The following C7orf33 variants were observed in gnomAD, a reference collection of about 807,000 sequenced individuals.
The protein encoded by C7orf33 is uncharacterized protein C7orf33.
C7orf33 carries 15 observed loss-of-function variants against 13.4 expected under a neutral mutation model. The observed-to-expected ratio is 1.12, with a 90% CI of 0.75 to 1.72. C7orf33 has a LOEUF of 1.72. C7orf33 is among the 40% of genes most tolerant of loss of function. The pLI is 0.00. For synonymous variants in C7orf33, 73 were observed against 83.2 expected, an observed-to-expected ratio of 0.88 and a Z score of 0.67; for missense variants, 187 against 220.3, an observed-to-expected ratio of 0.85 and a Z score of 0.96.
rs182440056 is a variant in C7orf33, at chr7:148,595,363, A to T, written c.204+4234A>T. Among the ~76,000 whole-genome samples, 1,267 of 135,684 alleles carry T rather than the reference A, an allele frequency of 9.3e-3. 16 individuals are homozygous for T. The highest frequency in any genetic ancestry group is 0.034 in the African/African-American group (1,199 of 35,066). 89.0% of individuals were successfully genotyped at this position (135,684 alleles called of 152,430 possible). On this transcript the variant is annotated intron_variant, in intron 1 of 2. Coordinates refer to ENST00000307003, the MANE Select transcript of C7orf33 (RefSeq NM_145304.4). ...AGATCTATATTATATAGATATATCAAATATAATATAGATCTCTATTATATA... is the reference window on the plus strand; with the variant it reads ...AGATCTATATTATATAGATATATCATATATAATATAGATCTCTATTATATA...
chr7:148,612,159 C>T (rs1169105539), intron 1 of C7orf33, among the ~76,000 whole-genome samples: 1 of 152,244 alleles, frequency 6.6e-6, no homozygotes, highest in African/African-American at 2.4e-5. Flanking sequence ...TGGCCTGGAC[C>T]ATGACTGACA....
At chr7:148,612,878 C>T (rs1796561017) in intron 1 of C7orf33, among the ~76,000 whole-genome samples, 1 of 151,610 alleles carries the variant, frequency 6.6e-6, no homozygotes, top group South Asian at 2.1e-4. Flanking sequence ...TTAGTTGGCA[C>T]ATAATATTTA....
intron 1 of C7orf33, among the ~76,000 whole-genome samples, chr7:148,595,673 TATAATATA>T: frequency 9.0e-6 from 1 of 111,696 alleles, no homozygotes; most frequent in Non-Finnish European, 1.8e-5. Flanking sequence ...ATTATATAGA[TATAATATA>T]GATCTATATT....
chr7:148,596,321 T>C (rs1381794991), intron 1 of C7orf33, among the ~76,000 whole-genome samples: 2 of 152,208 alleles, frequency 1.3e-5, no homozygotes, highest in African/African-American at 4.8e-5. Context: ...CTGAAGTTTA[T>C]AGTTTAGATT....
chr7:148,598,611 C>A (rs185152343), intron 1 of C7orf33, among the ~76,000 whole-genome samples: 1 of 150,034 alleles, frequency 6.7e-6, no homozygotes, highest in South Asian at 2.1e-4. Context: ...GCAGAACTGG[C>A]GCTCTGCAAA....
chr7:148,609,566 G>A (rs1476655239), intron 1 of C7orf33, among the ~76,000 whole-genome samples: 1 of 152,154 alleles, frequency 6.6e-6, no homozygotes, highest in East Asian at 1.9e-4. Context: ...TCTTGAAGTT[G>A]GCTGTCCTCC....
rs1796592579 is a variant in C7orf33 at position 148,615,465 on chromosome 7, A to C, written c.*64A>C. On this transcript the variant is annotated 3_prime_UTR_variant, in exon 3 of 3. Coordinates refer to ENST00000307003, the MANE Select transcript of C7orf33 (RefSeq NM_145304.4). ...TGTAGATTGTGAAATCTCTTCTTGCAAGAAAAAAGAGAAATAGCTGAAGTT... is the reference window on the plus strand; with the variant it reads ...TGTAGATTGTGAAATCTCTTCTTGCCAGAAAAAAGAGAAATAGCTGAAGTT... 3 of 1,038,844 alleles carry C rather than the reference A, an allele frequency of 2.9e-6. No individual in the cohort carries two copies. The highest frequency in any genetic ancestry group is 3.0e-6 in the Non-Finnish European group (2 of 666,608). The allele number at this position is 1,038,844 out of a possible 1,614,324, so 64.4% of individuals were successfully genotyped here. A position where few individuals can be genotyped will look rare whatever the true frequency, so the allele number is the denominator to read the frequency against.
intron 1 of C7orf33, among the ~76,000 whole-genome samples, chr7:148,594,167 T>TTTTC (rs1265368125): frequency 2.7e-5 from 4 of 148,888 alleles, no homozygotes; most frequent in Non-Finnish European, 5.9e-5. Context: ...ATTAAACCTC[T>TTTTC]TTTCTTTTTT....
intron 1 of C7orf33, among the ~76,000 whole-genome samples, chr7:148,603,132 A>G (rs1197352815): frequency 6.6e-6 from 1 of 152,220 alleles, no homozygotes; most frequent in Non-Finnish European, 1.5e-5. Context: ...ACACTGAAGC[A>G]GTCAGATGAG....
chr7:148,606,674 C>T (rs1273822689), intron 1 of C7orf33, among the ~76,000 whole-genome samples: 1 of 152,172 alleles, frequency 6.6e-6, no homozygotes, highest in African/African-American at 2.4e-5. Flanking sequence ...GCAACCTCCA[C>T]CTCCCAGGTT....
At chr7:148,613,965 G>A in intron 1 of C7orf33, 77 bp from the exon 2 acceptor site, 3 of 1,448,496 alleles carry the variant, frequency 2.1e-6, no homozygotes, top group Non-Finnish European at 2.8e-6. Flanking sequence ...AAAGAAATGT[G>A]AGAACAAATT....
chr7:148,590,837 T>C lies in C7orf33; in HGVS notation c.-89T>C. 1 of 1,221,142 alleles carries C rather than the reference T, an allele frequency of 8.2e-7. No homozygotes were observed. The highest frequency in any genetic ancestry group is 1.2e-6 in the Non-Finnish European group (1 of 835,644). 75.6% of individuals were successfully genotyped at this position (1,221,142 alleles called of 1,614,324 possible). A position where few individuals can be genotyped will look rare whatever the true frequency, so the allele number is the denominator to read the frequency against. ...TGTGTCTGAATCCTCCTACTGACCC[T>C]GGGGATCCGTGCGACTTGATCTTAG... is the stretch of plus-strand genomic sequence containing the variant. On this transcript the variant is annotated 5_prime_UTR_variant, in exon 1 of 3. Transcript: ENST00000307003.
At chr7:148,608,401 G>C (rs1796498730) in intron 1 of C7orf33, among the ~76,000 whole-genome samples, 1 of 152,058 alleles carries the variant, frequency 6.6e-6, no homozygotes, top group African/African-American at 2.4e-5. Flanking sequence ...CTGCACTCCA[G>C]CCTGGGCGAC....
Position 148,590,829 on chromosome 7 carries a change from A to G in C7orf33, c.-97A>G, listed in dbSNP as rs949312421. On this transcript the variant is annotated 5_prime_UTR_variant, in exon 1 of 3. Coordinates refer to ENST00000307003, the MANE Select transcript of C7orf33 (RefSeq NM_145304.4). ...GCCCAGCCTGTGTCTGAATCCTCCTACTGACCCTGGGGATCCGTGCGACTT... is the reference window on the plus strand; with the variant it reads ...GCCCAGCCTGTGTCTGAATCCTCCTGCTGACCCTGGGGATCCGTGCGACTT... The G allele has an allele frequency of 1.1e-5, 12 of 1,116,558 alleles. No homozygotes were observed. Among genetic ancestry groups the G allele is most frequent in the African/African-American group, 1.5e-5 (1 of 65,144 alleles). The allele number at this position is 1,116,558 out of a possible 1,614,324, so 69.2% of individuals were successfully genotyped here.
Position 148,590,818 on chromosome 7 carries a change from TGAATCCTCCTACTGACCCTGGG to T in C7orf33, c.-105_-84del. ...AGGAGCGAGGCGCCCAGCCTGTGTC[TGAATCCTCCTACTGACCCTGGG>T]GATCCGTGCGACTTGATCTTAGATA... is the stretch of plus-strand genomic sequence containing the variant. On this transcript the variant is annotated 5_prime_UTR_variant, in exon 1 of 3. Transcript: ENST00000307003. 1 of 1,015,946 alleles carries T rather than the reference TGAATCCTCCTACTGACCCTGGG, an allele frequency of 9.8e-7. No homozygotes were observed. The highest frequency in any genetic ancestry group is 1.5e-6 in the Non-Finnish European group (1 of 658,462). The allele number at this position is 1,015,946 out of a possible 1,614,324, so 62.9% of individuals were successfully genotyped here. A position where few individuals can be genotyped will look rare whatever the true frequency, so the allele number is the denominator to read the frequency against.
In C7orf33 at chr7:148,614,147, A is replaced by G; in HGVS notation, c.310A>G (p.Thr104Ala). 6.2e-7 allele frequency: 1 copy of G among 1,614,216 alleles called. No homozygotes were observed. Among genetic ancestry groups the G allele is most frequent in the Non-Finnish European group, 8.5e-7 (1 of 1,180,038 alleles). Residue 104 changes from threonine to alanine, a missense_variant, in exon 2 of 3, where the codon ACG becomes GCG. Coordinates refer to ENST00000307003, the MANE Select transcript of C7orf33 (RefSeq NM_145304.4). ...GTGGCATTTTCTTTCTCAAGGTCCC[A>G]CGGATGCCCAGAGAGCAGTCAGAAT... ...APWHFLSQGP[T>A]DAQRAVRIRP...
intron 1 of C7orf33, among the ~76,000 whole-genome samples, chr7:148,601,874 A>T (rs911340749): frequency 1.3e-5 from 2 of 152,118 alleles, no homozygotes; most frequent in African/African-American, 4.8e-5. Flanking sequence ...CAGCCTCCTG[A>T]GTAGCTACGA....
In C7orf33 at chr7:148,590,849, C is replaced by T. The variant is rs559627286; in HGVS notation, c.-77C>T. 17 of 1,359,140 alleles carry T rather than the reference C, an allele frequency of 1.3e-5. No homozygotes were observed. Among genetic ancestry groups the T allele is most frequent in the Admixed American group, 3.5e-5 (2 of 57,110 alleles). 84.2% of individuals were successfully genotyped at this position (1,359,140 alleles called of 1,614,324 possible). On this transcript the variant is annotated 5_prime_UTR_variant, in exon 1 of 3. Coordinates refer to ENST00000307003, the MANE Select transcript of C7orf33 (RefSeq NM_145304.4). ...CTCCTACTGACCCTGGGGATCCGTGCGACTTGATCTTAGATATTGGTGGTG... is the reference window on the plus strand; with the variant it reads ...CTCCTACTGACCCTGGGGATCCGTGTGACTTGATCTTAGATATTGGTGGTG...
chr7:148,604,605 A>C (rs1406005367), intron 1 of C7orf33, among the ~76,000 whole-genome samples: 1 of 152,206 alleles, frequency 6.6e-6, no homozygotes, highest in Non-Finnish European at 1.5e-5. Flanking sequence ...CATTGGGTAC[A>C]GTGTACCCTG....
Sources: allele counts gnomAD v4.1 joint callset (sites outside exome capture counted in the v4.1 genomes callset), GRCh38; gene constraint gnomAD v4.1.1; transcripts MANE v1.5; gene names NCBI Gene and HGNC (gene_info 2026-07-23, HGNC 2026-07-21).